Variants in NFATC2 observed in about 807,000 individuals in gnomAD.
NFATC2 encodes the protein nuclear factor of activated T-cells, cytoplasmic 2.
NFATC2 carries 22 observed loss-of-function variants against 87.3 expected under a neutral mutation model. That is an observed-to-expected ratio of 0.25 (90% CI 0.18 to 0.36). The LOEUF (loss-of-function observed/expected upper bound fraction) is 0.36. Among genes scored for constraint, NFATC2 ranks in the 10% least tolerant of loss-of-function variants. The pLI, the probability that NFATC2 is intolerant of heterozygous loss-of-function variation, is 1.00. For synonymous variants in NFATC2, 565 were observed against 542.2 expected, an observed-to-expected ratio of 1.04 and a Z score of -0.58; for missense variants, 1,149 against 1,259.1, an observed-to-expected ratio of 0.91 and a Z score of 1.32.
intron 1 of NFATC2, among the ~76,000 whole-genome samples, chr20:51,529,380 A>G (rs1600962838): frequency 1.3e-5 from 2 of 152,058 alleles, no homozygotes; most frequent in African/African-American, 4.8e-5. Flanking sequence ...TCCTCTTGAC[A>G]AGACTTTAAA....
chr20:51,528,085 CAAAAAAAAA>C (rs56201141), intron 1 of NFATC2, among the ~76,000 whole-genome samples: 1 of 94,248 alleles, frequency 1.1e-5, no homozygotes, highest in African/African-American at 3.7e-5. Context: ...GAACCTGTCC[CAAAAAAAAA>C]AAAAAAAAAA....
rs144461724 is a variant in NFATC2, at chr20:51,434,156, C to G, written c.2032+1032G>C. Among the ~76,000 whole-genome samples the G allele has an allele frequency of 5.7e-4, 86 of 152,184 alleles. 1 individual carries two copies. In the East Asian group the frequency reaches 0.012, roughly 22 times the overall value. ...ACAGCAGTGTCCTCACAAGGGTCAACACAAAACTGTGGGCACAAGTCAAGC... is the reference window on the plus strand; with the variant it reads ...ACAGCAGTGTCCTCACAAGGGTCAAGACAAAACTGTGGGCACAAGTCAAGC... On this transcript the variant is annotated intron_variant, in intron 8 of 10. Coordinates refer to ENST00000371564, the MANE Select transcript of NFATC2 (RefSeq NM_012340.5).
chr20:51,406,047 G>A (rs950472575), intron 9 of NFATC2, among the ~76,000 whole-genome samples: 1 of 152,216 alleles, frequency 6.6e-6, no homozygotes, highest in Non-Finnish European at 1.5e-5. Context: ...AAAGTGCTGG[G>A]ATGACAGGTG....
chr20:51,527,330 A>G (rs1421298248), intron 1 of NFATC2, among the ~76,000 whole-genome samples: 1 of 152,016 alleles, frequency 6.6e-6, no homozygotes, highest in Non-Finnish European at 1.5e-5. Flanking sequence ...AAGCCCATTC[A>G]TGCCCATGAG....
chr20:51,471,620 A>G (rs1215681746), intron 5 of NFATC2, among the ~76,000 whole-genome samples: 1 of 152,230 alleles, frequency 6.6e-6, no homozygotes, highest in East Asian at 1.9e-4. Flanking sequence ...CCAAAGACCA[A>G]CCAAGACCAA....
At position 51,412,995 on chromosome 20, in the gene NFATC2, CG is replaced by C. The variant is rs1178636242; in HGVS notation, c.2723-14266del. Among the ~76,000 whole-genome samples, 6 of 29,340 alleles carry C rather than the reference CG, an allele frequency of 2.0e-4. No homozygotes were observed. In the East Asian group the frequency reaches 4.9e-3, roughly 24 times the overall value. 19.2% of individuals were successfully genotyped at this position (29,340 alleles called of 152,430 possible). ...CGGCCCCCCCATCCCCCGCTCCCGCCGCCCCCCCCCCTCCCCGCCAAACACA... is the reference window on the plus strand; with the variant it reads ...CGGCCCCCCCATCCCCCGCTCCCGCCCCCCCCCCCCTCCCCGCCAAACACA... On this transcript the variant is annotated intron_variant, in intron 9 of 10. Transcript: ENST00000371564.
chr20:51,525,985 C>G (rs6067808), intron 1 of NFATC2, among the ~76,000 whole-genome samples: 63,101 of 147,438 alleles, frequency 0.43, 13,802 homozygotes, highest in South Asian at 0.52. Context: ...ACCTCTTCGC[C>G]GTACTTAAGC....
In NFATC2 at chr20:51,542,430, G is replaced by A. The variant is rs772976078; in HGVS notation, c.70C>T (p.Pro24Ser). Residue 24 changes from proline to serine, a missense_variant, in exon 1 of 11, where the codon CCC (proline) becomes TCC (serine). Around this residue, in one of 3 missense-constraint regions of NFATC2, gnomAD observed 563 missense variants for 585.2 expected, o/e 0.96. Transcript: ENST00000371564. ...DAPGHEPGGSPQDELDFSILF... is the reference protein window; with the variant it reads ...DAPGHEPGGSSQDELDFSILF... ...ATGGAGAAGTCAAGCTCGTCTTGGG[G>A]GCTGCCCCCAGGCTCGTGGCCTGGG... 5 of 1,601,546 alleles carry A rather than the reference G, an allele frequency of 3.1e-6. No individual in the cohort carries two copies. Among genetic ancestry groups the A allele is most frequent in the Non-Finnish European group, 4.3e-6 (5 of 1,174,596 alleles).
intron 6 of NFATC2, among the ~76,000 whole-genome samples, chr20:51,448,560 C>T (rs553480474): frequency 6.6e-6 from 1 of 152,272 alleles, no homozygotes; most frequent in East Asian, 1.9e-4. Context: ...AGGAGAATGG[C>T]GTGAACCTGG....
At chr20:51,462,811 T>C (rs150434576) in intron 5 of NFATC2, among the ~76,000 whole-genome samples, 140 of 152,160 alleles carry the variant, frequency 9.2e-4, no homozygotes, top group African/African-American at 3.1e-3. Context: ...CGTTTTAGAG[T>C]AGAAGACATT....
At chr20:51,451,087 G>A (rs1007132096) in intron 6 of NFATC2, among the ~76,000 whole-genome samples, 2 of 152,192 alleles carry the variant, frequency 1.3e-5, no homozygotes, top group African/African-American at 4.8e-5. Flanking sequence ...AAAGATTTCA[G>A]TGTAAATAGA....
At chr20:51,470,740 C>T (rs557781042) in intron 5 of NFATC2, among the ~76,000 whole-genome samples, 2 of 152,332 alleles carry the variant, frequency 1.3e-5, no homozygotes, top group South Asian at 4.1e-4. Context: ...TAATTGCTAA[C>T]ATGTATTTAC....
At chr20:51,397,353 G>A (rs561212471) in intron 10 of NFATC2, among the ~76,000 whole-genome samples, 1,538 of 152,162 alleles carry the variant, frequency 0.01, 33 homozygotes, top group African/African-American at 0.036. Flanking sequence ...CCCTCAATAG[G>A]ACCCTCAATA....
At chr20:51,512,008 A>C (rs566278427) in intron 3 of NFATC2, among the ~76,000 whole-genome samples, 6 of 152,258 alleles carry the variant, frequency 3.9e-5, no homozygotes, top group Non-Finnish European at 8.8e-5. Context: ...CTTCAGCCAC[A>C]CACAGTCCTT....
intron 9 of NFATC2, among the ~76,000 whole-genome samples, chr20:51,429,917 C>G (rs189378729): frequency 5.7e-4 from 86 of 152,134 alleles, no homozygotes; most frequent in Non-Finnish European, 1.1e-3. Context: ...TAGCGGGACT[C>G]CCCCTCACCA....
At chr20:51,540,792 A>G (rs1040251591) in intron 1 of NFATC2, among the ~76,000 whole-genome samples, 1 of 151,556 alleles carries the variant, frequency 6.6e-6, no homozygotes, top group Admixed American at 6.6e-5. Context: ...CTTGGAAACT[A>G]TTTCCCCGGA....
intron 3 of NFATC2, among the ~76,000 whole-genome samples, chr20:51,504,486 G>A (rs1382826532): frequency 6.6e-6 from 1 of 152,160 alleles, no homozygotes; most frequent in Admixed American, 6.5e-5. Context: ...GCCCCCAGGA[G>A]CAACCTGGAA....
intron 3 of NFATC2, among the ~76,000 whole-genome samples, chr20:51,494,914 T>C (rs73913455): frequency 0.015 from 2,245 of 152,200 alleles, 58 homozygotes; most frequent in African/African-American, 0.051. Context: ...GACTGCCAGC[T>C]GGTGTGTCCC....
At chr20:51,536,665 T>A (rs2076725000) in intron 1 of NFATC2, among the ~76,000 whole-genome samples, 1 of 152,164 alleles carries the variant, frequency 6.6e-6, no homozygotes, top group African/African-American at 2.4e-5. Flanking sequence ...ATGCCACGTG[T>A]TTCACAGGGA....
Sources: allele counts gnomAD v4.1 joint callset (sites outside exome capture counted in the v4.1 genomes callset), GRCh38; gene constraint gnomAD v4.1.1; regional missense constraint gnomAD v4.1.1; transcripts MANE v1.5; gene names NCBI Gene and HGNC (gene_info 2026-07-23, HGNC 2026-07-21).